Variants in CSNK2A2IP observed in about 807,000 individuals in gnomAD.
The protein encoded by CSNK2A2IP is casein kinase 2 subunit alpha' interacting protein.
At chr3:88,422,662 A>G in the CSNK2A2IP span, among the ~76,000 whole-genome samples, 1 of 152,168 alleles carries the variant, frequency 6.6e-6, no homozygotes, top group African/African-American at 2.4e-5. Context: ...TCAATTTGAA[A>G]ATTTCTCAAA....
At chr3:88,383,955 G>A in the CSNK2A2IP span, among the ~76,000 whole-genome samples, 2,609 of 152,154 alleles carry the variant, frequency 0.017, 56 homozygotes, top group East Asian at 0.076. Context: ...AAGCCACTGC[G>A]CCGGGCTTCT....
At chr3:88,463,923 C>T in the CSNK2A2IP span, among the ~76,000 whole-genome samples, 1 of 151,816 alleles carries the variant, frequency 6.6e-6, no homozygotes, top group Non-Finnish European at 1.5e-5. Context: ...CAATGATAGA[C>T]TGGATTAAGA....
the CSNK2A2IP span, chr3:88,465,388 T>A: frequency 8.1e-6 from 10 of 1,231,518 alleles, no homozygotes; most frequent in Non-Finnish European, 1.0e-5. Context: ...TGGTCAACAC[T>A]TTGTGCCATT....
chr3:88,402,860 AT>A, the CSNK2A2IP span, among the ~76,000 whole-genome samples: 1 of 152,014 alleles, frequency 6.6e-6, no homozygotes, highest in African/African-American at 2.4e-5. Context: ...TCAAACCTTC[AT>A]TTTTTGATGT....
the CSNK2A2IP span, among the ~76,000 whole-genome samples, chr3:88,349,502 A>G: frequency 0.01 from 1,523 of 152,204 alleles, 22 homozygotes; most frequent in African/African-American, 0.035. Flanking sequence ...TCTATGGTGT[A>G]TATATACTGG....
the CSNK2A2IP span, among the ~76,000 whole-genome samples, chr3:88,397,823 T>C: frequency 6.6e-6 from 1 of 152,092 alleles, no homozygotes; most frequent in Non-Finnish European, 1.5e-5. Flanking sequence ...ATAGTAAGTG[T>C]TTCATTTTAC....
chr3:88,358,818 T>A, the CSNK2A2IP span, among the ~76,000 whole-genome samples: 2 of 152,180 alleles, frequency 1.3e-5, no homozygotes, highest in Non-Finnish European at 2.9e-5. Context: ...TCTGTCTGAT[T>A]TTGGTGTCAG....
chr3:88,400,593 G>A, the CSNK2A2IP span, among the ~76,000 whole-genome samples: 1 of 152,274 alleles, frequency 6.6e-6, no homozygotes, highest in Non-Finnish European at 1.5e-5. Context: ...AGTGTGGTAA[G>A]AGACAGGGAG....
At chr3:88,354,459 G>C in the CSNK2A2IP span, among the ~76,000 whole-genome samples, 1 of 152,174 alleles carries the variant, frequency 6.6e-6, no homozygotes, top group African/African-American at 2.4e-5. Flanking sequence ...CTGAACAGAA[G>C]CATAAAGGTT....
chr3:88,409,769 C>T, the CSNK2A2IP span, among the ~76,000 whole-genome samples: 21 of 151,890 alleles, frequency 1.4e-4, no homozygotes, highest in Non-Finnish European at 2.1e-4. Flanking sequence ...ATTTTTGCTC[C>T]GTCTCCTAGT....
At chr3:88,358,527 G>GC in the CSNK2A2IP span, among the ~76,000 whole-genome samples, 1 of 149,888 alleles carries the variant, frequency 6.7e-6, no homozygotes, top group Admixed American at 6.6e-5. Context: ...GTTGTGAGCT[G>GC]TTTTTTTTTT....
the CSNK2A2IP span, among the ~76,000 whole-genome samples, chr3:88,430,956 T>G: frequency 3.9e-5 from 6 of 152,154 alleles, no homozygotes; most frequent in African/African-American, 7.2e-5. Flanking sequence ...TTAAAGTCTG[T>G]TTAGACTTCA....
the CSNK2A2IP span, chr3:88,465,947 T>C: frequency 4.9e-6 from 6 of 1,231,624 alleles, no homozygotes; most frequent in Admixed American, 1.3e-4. Context: ...TCCATAAACA[T>C]CATTTGGACA....
At chr3:88,402,706 G>A in the CSNK2A2IP span, among the ~76,000 whole-genome samples, 1 of 151,898 alleles carries the variant, frequency 6.6e-6, no homozygotes, top group South Asian at 2.1e-4. Flanking sequence ...CACGTAAAGA[G>A]TATACCATAT....
chr3:88,370,537 T>C, the CSNK2A2IP span, among the ~76,000 whole-genome samples: 2 of 151,774 alleles, frequency 1.3e-5, no homozygotes, highest in Admixed American at 6.6e-5. Flanking sequence ...GGACACTTCA[T>C]GGCCTTCCCT....
At chr3:88,410,019 A>G in the CSNK2A2IP span, among the ~76,000 whole-genome samples, 7 of 152,086 alleles carry the variant, frequency 4.6e-5, no homozygotes, top group African/African-American at 7.3e-5. Context: ...CCTTTCACCC[A>G]ACAGTAGCTG....
chr3:88,457,392 C>T, the CSNK2A2IP span, among the ~76,000 whole-genome samples: 1 of 151,430 alleles, frequency 6.6e-6, no homozygotes, highest in Admixed American at 6.6e-5. Flanking sequence ...AATATTGATG[C>T]ATAGTTGCTT....
the CSNK2A2IP span, among the ~76,000 whole-genome samples, chr3:88,446,313 C>A: frequency 2.6e-5 from 4 of 152,030 alleles, no homozygotes; most frequent in Non-Finnish European, 4.4e-5. Context: ...TGGTCTCGAA[C>A]TCCTGACCTT....
chr3:88,455,805 T>G, the CSNK2A2IP span, among the ~76,000 whole-genome samples: 1 of 151,984 alleles, frequency 6.6e-6, no homozygotes, highest in Admixed American at 6.6e-5. Context: ...TTTTTCTATG[T>G]ATTTTTGTAG....
Sources: allele counts gnomAD v4.1 joint callset (sites outside exome capture counted in the v4.1 genomes callset), GRCh38; gene constraint gnomAD v4.1.1; transcripts MANE v1.5; gene names NCBI Gene and HGNC (gene_info 2026-07-23, HGNC 2026-07-21).